Variants in CELF1 observed in about 807,000 individuals in gnomAD.
CELF1 encodes CUGBP Elav-like family member 1, also known as 50 kDa nuclear polyadenylated RNA-binding protein.
Under a neutral mutation model 61.8 loss-of-function variants are expected in CELF1, and 10 were observed. The ratio of observed to expected loss-of-function variants is 0.16; its 90% CI spans 0.10 to 0.27. CELF1 has a LOEUF of 0.27. Ranked by LOEUF, CELF1 falls within the 10% of genes least tolerant of loss-of-function variation. The pLI is 1.00. For synonymous variants in CELF1, 236 were observed against 225.1 expected (o/e 1.05, Z -0.43); for missense variants, 380 against 639.1 (o/e 0.59, Z 4.37).
At chr11:47,541,464 G>T (rs1397292054) in intron 1 of CELF1, among the ~76,000 whole-genome samples, 1 of 152,022 alleles carries the variant, frequency 6.6e-6, no homozygotes, top group East Asian at 1.9e-4. Context: ...GCCAAGGCGG[G>T]TGGATCTCCT....
intron 2 of CELF1, among the ~76,000 whole-genome samples, chr11:47,560,588 A>G (rs1348445376): frequency 6.6e-6 from 1 of 151,986 alleles, no homozygotes; most frequent in Admixed American, 6.6e-5. Flanking sequence ...GGGAATGGGG[A>G]GTGATTGCTA....
chr11:47,548,792 G>C (rs1045483331), intron 1 of CELF1, among the ~76,000 whole-genome samples: 1 of 150,134 alleles, frequency 6.7e-6, no homozygotes, highest in Admixed American at 6.7e-5. Flanking sequence ...CTTGAACCCA[G>C]TGGGCGGAAG....
chr11:47,477,918 C>T (rs763279181), intron 10 of CELF1, among the ~76,000 whole-genome samples: 3 of 152,176 alleles, frequency 2.0e-5, no homozygotes, highest in Non-Finnish European at 4.4e-5. Context: ...GACACTGTCA[C>T]TTGAATAGCA....
intron 1 of CELF1, among the ~76,000 whole-genome samples, chr11:47,515,943 G>GTC (rs891145130): frequency 6.6e-6 from 1 of 151,892 alleles, no homozygotes; most frequent in Non-Finnish European, 1.5e-5. Flanking sequence ...TTTAGATAGA[G>GTC]TCTTGCTCTG....
In CELF1 at chr11:47,486,922, G is replaced by C. The variant is rs75652024; in HGVS notation, c.343-124C>G. 8.9e-3 allele frequency: 7,249 copies of C among 810,768 alleles called. 327 individuals are homozygous for C. The African/African-American group carries it at 0.099, about 11-fold the overall frequency. The allele number at this position is 810,768 out of a possible 1,614,324, so 50.2% of individuals were successfully genotyped here. On this transcript the variant is annotated intron_variant, in intron 5 of 14. Coordinates refer to ENST00000687097, the MANE Select transcript of CELF1 (RefSeq NM_001376376.1). ...CTCTCTGAACTCATGTCTGCTTCAT[G>C]ATCTTTCCCCAGAAAACAGAATGTG...
At chr11:47,528,047 G>C (rs1425865521) in intron 1 of CELF1, among the ~76,000 whole-genome samples, 1 of 152,134 alleles carries the variant, frequency 6.6e-6, no homozygotes. Context: ...AGTGAGCCAG[G>C]ATCACACCAT....
chr11:47,541,939 AT>A (rs1298499463), intron 1 of CELF1, among the ~76,000 whole-genome samples: 2 of 152,126 alleles, frequency 1.3e-5, no homozygotes, highest in African/African-American at 4.8e-5. Flanking sequence ...AACTAAAGAC[AT>A]TCCCCCCCAA....
chr11:47,501,162 T>C (rs80188785), intron 1 of CELF1, among the ~76,000 whole-genome samples: 2,170 of 152,356 alleles, frequency 0.014, 29 homozygotes, highest in Non-Finnish European at 0.024. Flanking sequence ...CTGCTTTTTC[T>C]ATTTTTGCCA....
upstream of CELF1, among the ~76,000 whole-genome samples, chr11:47,555,998 T>TAA (rs2097204806): frequency 1.1e-5 from 1 of 91,472 alleles, no homozygotes; most frequent in African/African-American, 4.8e-5. Flanking sequence ...AGACTCTGTC[T>TAA]CAAAAAAAAA....
chr11:47,527,217 C>T (rs1270175739), intron 1 of CELF1, among the ~76,000 whole-genome samples: 3 of 151,944 alleles, frequency 2.0e-5, no homozygotes, highest in Admixed American at 2.0e-4. Context: ...AAGGAGACCT[C>T]ATCTCTACAG....
intron 1 of CELF1, among the ~76,000 whole-genome samples, chr11:47,536,008 C>T (rs1316396346): frequency 6.6e-6 from 1 of 152,026 alleles, no homozygotes; most frequent in African/African-American, 2.4e-5. Flanking sequence ...GTGATCCGCC[C>T]GCCTCAGCCT....
chr11:47,556,235 A>G (rs2097205390), upstream of CELF1, among the ~76,000 whole-genome samples: 1 of 151,980 alleles, frequency 6.6e-6, no homozygotes, highest in East Asian at 1.9e-4. Flanking sequence ...CCCAGCCTGG[A>G]GTGTAGTAGT....
At chr11:47,475,280 T>C in intron 13 of CELF1, 56 bp downstream of exon 13, 3 of 1,550,266 alleles carry the variant, frequency 1.9e-6, no homozygotes, top group Non-Finnish European at 2.7e-6. Flanking sequence ...CTTTCCGTTC[T>C]GGTATAGGAG....
chr11:47,511,555 A>G (rs2153604674), intron 1 of CELF1, among the ~76,000 whole-genome samples: 1 of 152,364 alleles, frequency 6.6e-6, no homozygotes, highest in South Asian at 2.1e-4. Context: ...GTAAACCCTT[A>G]TCACCTAAAA....
intron 3 of CELF1, among the ~76,000 whole-genome samples, chr11:47,493,339 TAAAAAA>T (rs11458910): frequency 7.8e-6 from 1 of 127,980 alleles, no homozygotes; most frequent in Admixed American, 8.1e-5. Context: ...CGTCCCTACT[TAAAAAA>T]AAAAAAAAAA....
intron 1 of CELF1, among the ~76,000 whole-genome samples, chr11:47,518,462 T>C (rs903914601): frequency 1.3e-5 from 2 of 152,216 alleles, no homozygotes; most frequent in South Asian, 2.1e-4. Flanking sequence ...ATACAGCTTT[T>C]GGCTTGTATC....
intron 1 of CELF1, among the ~76,000 whole-genome samples, chr11:47,541,298 T>C (rs1256718935): frequency 6.6e-6 from 1 of 151,740 alleles, no homozygotes; most frequent in African/African-American, 2.4e-5. Context: ...GCTTACTCAA[T>C]CTCACAGGAA....
At chr11:47,547,076 A>C (rs866624990) in intron 1 of CELF1, among the ~76,000 whole-genome samples, 27 of 146,000 alleles carry the variant, frequency 1.8e-4, no homozygotes, top group African/African-American at 6.1e-4. Flanking sequence ...AAAAAAAAAA[A>C]AAAAAAAAAA....
chr11:47,509,092 A>C (rs2094825525), intron 1 of CELF1, among the ~76,000 whole-genome samples: 1 of 152,170 alleles, frequency 6.6e-6, no homozygotes, highest in Non-Finnish European at 1.5e-5. Context: ...TATTTTTTTA[A>C]AGCTTTGTCT....
Sources: allele counts gnomAD v4.1 joint callset (sites outside exome capture counted in the v4.1 genomes callset), GRCh38; gene constraint gnomAD v4.1.1; transcripts MANE v1.5; gene names NCBI Gene and HGNC (gene_info 2026-07-23, HGNC 2026-07-21).